The following LHX8 variants were observed in gnomAD, a reference collection of about 807,000 sequenced individuals.
LHX8 encodes the protein LIM/homeobox protein Lhx8.
LHX8 carries 12 observed loss-of-function variants against 40.3 expected under a neutral mutation model. The observed-to-expected ratio is 0.30, with a 90% CI of 0.19 to 0.48. The LOEUF (loss-of-function observed/expected upper bound fraction) is 0.48, where lower values mean the gene tolerates loss of function less well. Among genes scored for constraint, LHX8 ranks in the 20% least tolerant of loss-of-function variants. LHX8 has a pLI of 0.99. For synonymous variants in LHX8, 179 were observed against 162.0 expected (o/e 1.10, Z -0.80); for missense variants, 344 against 433.7 (o/e 0.79, Z 1.84).
chr1:75,189,969 C>T, the LHX8 span, among the ~76,000 whole-genome samples: 2 of 152,276 alleles, frequency 1.3e-5, no homozygotes, highest in Admixed American at 1.3e-4. Context: ...TTTGCAAAGG[C>T]CTCGTCAAAA....
chr1:75,134,318 A>G (rs1323509244), upstream of LHX8, among the ~76,000 whole-genome samples: 2 of 151,628 alleles, frequency 1.3e-5, no homozygotes, highest in Non-Finnish European at 2.9e-5. Context: ...CTTCCTTTAT[A>G]TTAGGTTCCA....
intron 7 of LHX8, among the ~76,000 whole-genome samples, chr1:75,155,798 A>G (rs1648747026): frequency 6.6e-6 from 1 of 152,162 alleles, no homozygotes; most frequent in African/African-American, 2.4e-5. Context: ...TTTTCTTATT[A>G]AAGACCTGAC....
the LHX8 span, among the ~76,000 whole-genome samples, chr1:75,178,401 G>A: frequency 2.6e-5 from 4 of 151,958 alleles, no homozygotes; most frequent in African/African-American, 4.8e-5. Flanking sequence ...TTAGTCTTGG[G>A]GGGGTGTATG....
chr1:75,173,490 C>T, the LHX8 span, among the ~76,000 whole-genome samples: 1 of 145,864 alleles, frequency 6.9e-6, no homozygotes, highest in South Asian at 2.2e-4. Context: ...TCACGCCATT[C>T]TCCTGCCTCA....
intron 1 of LHX8, among the ~76,000 whole-genome samples, 161 bp from the exon 2 acceptor site, chr1:75,136,442 C>T (rs924190806): frequency 6.6e-6 from 1 of 151,786 alleles, no homozygotes; most frequent in Non-Finnish European, 1.5e-5. Context: ...GCGCGCCAGC[C>T]CGCCCGCGGC....
the LHX8 span, among the ~76,000 whole-genome samples, chr1:75,172,339 A>G: frequency 6.6e-6 from 1 of 152,200 alleles, no homozygotes; most frequent in Non-Finnish European, 1.5e-5. Context: ...CTATTGCCCA[A>G]ATAGGAGATT....
At chr1:75,148,446 C>T in intron 6 of LHX8, 141 bp from the exon 7 acceptor site, 1 of 686,982 alleles carries the variant, frequency 1.5e-6, no homozygotes, top group South Asian at 1.6e-5. Flanking sequence ...TTTCACTTAC[C>T]CATATTTCCC....
At chr1:75,140,555 T>C (rs899782359) in intron 3 of LHX8, among the ~76,000 whole-genome samples, 1 of 152,166 alleles carries the variant, frequency 6.6e-6, no homozygotes, top group Non-Finnish European at 1.5e-5. Flanking sequence ...AGCCAAAAAA[T>C]AGGTTGAGAG....
chr1:75,183,086 C>A, the LHX8 span: 1 of 152,068 alleles, frequency 6.6e-6, no homozygotes, highest in Non-Finnish European at 1.5e-5. Context: ...TGGAATGATA[C>A]AGAGATTAGC....
chr1:75,189,232 T>C, the LHX8 span, among the ~76,000 whole-genome samples: 46 of 152,312 alleles, frequency 3.0e-4, no homozygotes, highest in African/African-American at 8.7e-4. Flanking sequence ...GCTGCTTCTT[T>C]CTTGGGATAA....
the LHX8 span, among the ~76,000 whole-genome samples, chr1:75,178,520 C>A: frequency 6.6e-6 from 1 of 151,956 alleles, no homozygotes; most frequent in African/African-American, 2.4e-5. Flanking sequence ...GTGGTGATAT[C>A]CCCTTTATCA....
downstream of LHX8, among the ~76,000 whole-genome samples, chr1:75,161,963 A>C (rs1159916180): frequency 6.6e-6 from 1 of 152,140 alleles, no homozygotes; most frequent in Non-Finnish European, 1.5e-5. Context: ...GTGGCAGTGG[A>C]CTTACAAATT....
At chr1:75,170,889 G>C in the LHX8 span, among the ~76,000 whole-genome samples, 1 of 152,090 alleles carries the variant, frequency 6.6e-6, no homozygotes, top group Non-Finnish European at 1.5e-5. Flanking sequence ...TGAGCTGGGG[G>C]CTTAAAGTAC....
At chr1:75,162,642 T>G (rs542028845), downstream of LHX8, among the ~76,000 whole-genome samples, 1 of 152,258 alleles carries the variant, frequency 6.6e-6, no homozygotes, top group Admixed American at 6.5e-5. Context: ...GAAGTAAAAC[T>G]TCCTAACAAA....
the LHX8 span, among the ~76,000 whole-genome samples, chr1:75,190,411 G>C: frequency 1.3e-5 from 2 of 151,976 alleles, no homozygotes; most frequent in African/African-American, 4.8e-5. Context: ...TTGGCTACAT[G>C]TTCATACGTT....
chr1:75,197,889 C>A, the LHX8 span, among the ~76,000 whole-genome samples: 246 of 152,252 alleles, frequency 1.6e-3, 1 homozygote, highest in Middle Eastern at 0.037. Context: ...AAATGAAGAT[C>A]TATGGCCTTA....
chr1:75,192,400 C>T, the LHX8 span, among the ~76,000 whole-genome samples: 1 of 152,126 alleles, frequency 6.6e-6, no homozygotes, highest in Non-Finnish European at 1.5e-5. Flanking sequence ...TCCTTGAACC[C>T]AATTCCAGTA....
the LHX8 span, among the ~76,000 whole-genome samples, chr1:75,189,223 C>T: frequency 6.6e-6 from 1 of 152,168 alleles, no homozygotes; most frequent in African/African-American, 2.4e-5. Flanking sequence ...CATAAGCAGG[C>T]TGCTTCTTTC....
At chr1:75,158,099 G>C (rs1486898602) in intron 8 of LHX8, among the ~76,000 whole-genome samples, 2 of 152,188 alleles carry the variant, frequency 1.3e-5, no homozygotes, top group African/African-American at 4.8e-5. Flanking sequence ...TAGCAAATTT[G>C]ATGATTGTGC....
Sources: allele counts gnomAD v4.1 joint callset (sites outside exome capture counted in the v4.1 genomes callset), GRCh38; gene constraint gnomAD v4.1.1; transcripts MANE v1.5; gene names NCBI Gene and HGNC (gene_info 2026-07-23, HGNC 2026-07-21).